PELP1: variants seen among roughly 807,000 people sequenced by gnomAD.
PELP1 encodes the protein proline, glutamate and leucine rich protein 1, also known as proline-, glutamic acid- and leucine-rich protein 1.
A neutral mutation model predicts 95.5 loss-of-function variants in PELP1; 32 were observed. The observed-to-expected ratio is 0.34, with a 90% confidence interval of 0.25 to 0.45. The LOEUF (loss-of-function observed/expected upper bound fraction) is 0.45, where lower values mean the gene tolerates loss of function less well. PELP1 is among the 20% of genes least tolerant of loss of function. The probability of loss-of-function intolerance (pLI) is 1.00; values close to 1 mark genes in which losing one functional copy is unlikely to be tolerated. For missense variants in PELP1, 1,358 were observed against 1,444.8 expected (o/e 0.94, Z 0.97); for synonymous variants, 668 against 600.1 (o/e 1.11, Z -1.65).
rs370014332 is a variant in PELP1 at position 4,695,491 on chromosome 17, A to G, written c.250-4049T>C. 1.4e-4 allele frequency among the ~76,000 whole-genome samples: 21 copies of G among 150,902 alleles called. No individual in the cohort carries two copies. The East Asian group carries it at 1.6e-3, about 11-fold the overall frequency. Reference sequence around the variant, plus strand: ...ACCAGCCTGGGCAACACAGAGAGACACCATCTCTACAAAAATTTTTAAAAA... The same window carrying G: ...ACCAGCCTGGGCAACACAGAGAGACGCCATCTCTACAAAAATTTTTAAAAA... On this transcript the variant is annotated intron_variant, in intron 1 of 16. Transcript: ENST00000572293.
At chr17:4,676,950 G>A in intron 5 of PELP1, 138 bp from the exon 6 acceptor site, 1 of 646,042 alleles carries the variant, frequency 1.5e-6, no homozygotes, top group East Asian at 2.8e-5. Flanking sequence ...GCCCTCTATG[G>A]GGCATCAACA....
intron 1 of PELP1, among the ~76,000 whole-genome samples, chr17:4,694,837 G>C (rs1442589820): frequency 6.6e-6 from 1 of 151,304 alleles, no homozygotes; most frequent in Non-Finnish European, 1.5e-5. Flanking sequence ...CAGGCGTGGT[G>C]GTGGGCGCCT....
rs371489038 is a variant in PELP1 at position 4,675,881 on chromosome 17, A to G, written c.984T>C (p.Ser328=). Residue 328 remains serine (S), a synonymous_variant, in exon 9 of 17, where the codon TCT becomes TCC. Coordinates refer to ENST00000572293, the MANE Select transcript of PELP1 (RefSeq NM_014389.3). The surrounding 1 kb of genome is among the most constrained non-coding windows in gnomAD (Gnocchi z 4.3). ...GGACGGACACGGGAGCTCCAAACTC[A>G]GAGCTAAAGAGAATCAGAGCAGGGA... ...LARCLGLMLS[S]EFGAPVSVPV... 75 of 1,588,952 alleles carry G rather than the reference A, an allele frequency of 4.7e-5. No individual in the cohort carries two copies. The highest frequency in any genetic ancestry group is 6.1e-5 in the Non-Finnish European group (71 of 1,167,508).
rs9894855 is a variant in PELP1 at position 4,696,276 on chromosome 17, G to A, written c.250-4834C>T. ...GACCCCGGGAGGTCAAGACTGCAGT[G>A]AGCCATGATCGCCACCACTACACTC... On this transcript the variant is annotated intron_variant, in intron 1 of 16. Transcript: ENST00000572293. 3.0e-3 allele frequency among the ~76,000 whole-genome samples: 455 copies of A among 152,252 alleles called. 1 individual carries two copies. The highest frequency in any genetic ancestry group is 9.4e-3 in the African/African-American group (392 of 41,558).
chr17:4,679,852 C>T, intron 5 of PELP1, among the ~76,000 whole-genome samples: 1 of 152,330 alleles, frequency 6.6e-6, no homozygotes, highest in East Asian at 1.9e-4. Flanking sequence ...CACAACCCCT[C>T]GCTCACTCAG....
chr17:4,687,455 C>A (rs4561529), intron 3 of PELP1, among the ~76,000 whole-genome samples: 144,532 of 147,718 alleles, frequency 0.98, 70,787 homozygotes, highest in Middle Eastern at 1. Context: ...GAGGCAGTCA[C>A]GCCACTGCAC....
At chr17:4,678,458 G>A (rs546850143) in intron 5 of PELP1, among the ~76,000 whole-genome samples, 17 of 152,212 alleles carry the variant, frequency 1.1e-4, no homozygotes, top group South Asian at 6.2e-4. Context: ...GTCACAGAGC[G>A]AGACCCTATC....
In PELP1 at chr17:4,704,081, C is replaced by A; in HGVS notation, c.31G>T (p.Ala11Ser). The A allele has an allele frequency of 5.0e-6, 8 of 1,611,028 alleles. No individual in the cohort carries two copies. Among genetic ancestry groups the A allele is most frequent in the Non-Finnish European group, 6.8e-6 (8 of 1,179,380 alleles). The change falls in exon 1 of 17, where the codon GCG (alanine) becomes TCG (serine). Residue 11 changes from alanine (A) to serine (S), a missense_variant. Transcript: ENST00000572293. ...CCAGGAACCCCAGCCGCGGAGCCCG[C>A]AGAGGGCCCACTCAGAACGGCTGCC... is the stretch of plus-strand genomic sequence containing the variant. MAAAVLSGPS[A>S]GSAAGVPGGT...
chr17:4,671,282 C>G lies in PELP1; in HGVS notation c.*157G>C. On this transcript the variant is annotated 3_prime_UTR_variant, in exon 17 of 17. Transcript: ENST00000572293. ...CTCTGGATCGTCAAAAAGAGGACAG[C>G]TATGGAGACATCTGGGGAATACTAT... 1.6e-6 allele frequency: 1 copy of G among 624,628 alleles called. No homozygotes were observed. The highest frequency in any genetic ancestry group is 1.9e-5 in the South Asian group (1 of 52,996). 38.7% of individuals were successfully genotyped at this position (624,628 alleles called of 1,614,324 possible). A position where few individuals can be genotyped will look rare whatever the true frequency, so the allele number is the denominator to read the frequency against.
At chr17:4,691,191 C>A in intron 2 of PELP1, 187 bp downstream of exon 2, 1 of 639,642 alleles carries the variant, frequency 1.6e-6, no homozygotes, top group South Asian at 2.0e-5. Context: ...TGGAATAGGA[C>A]ATCTGGGAGC....
rs370002833 is a variant in PELP1, at chr17:4,675,312, G to A, written c.1119C>T (p.His373=). The A allele has an allele frequency of 1.1e-5, 18 of 1,566,788 alleles. No homozygotes were observed. Among genetic ancestry groups the A allele is most frequent in the Non-Finnish European group, 1.6e-5 (18 of 1,155,870 alleles). The change falls in exon 10 of 17, where the codon CAC becomes CAT. Residue 373 remains histidine, a synonymous_variant. Coordinates refer to ENST00000572293, the MANE Select transcript of PELP1 (RefSeq NM_014389.3). This position sits in a 1 kb window ranked among gnomAD's most constrained non-coding sequence, Gnocchi z 4.3. Reference sequence around the variant, plus strand: ...CAGACAGCAGGTCCAAGGCCTCAAGGTGGATAGAGGGCAGCAGCAGCAGCC... The same window carrying A: ...CAGACAGCAGGTCCAAGGCCTCAAGATGGATAGAGGGCAGCAGCAGCAGCC... The part of the protein sequence containing the change: ...PLRLLLLPSI[H]LEALDLLSAL...
chr17:4,683,509 AC>A (rs1912789329), intron 3 of PELP1, among the ~76,000 whole-genome samples: 1 of 144,666 alleles, frequency 6.9e-6, no homozygotes, highest in Non-Finnish European at 1.5e-5. Flanking sequence ...GTGAGCCATC[AC>A]GCCCAGCTGA....
intron 3 of PELP1, among the ~76,000 whole-genome samples, chr17:4,683,801 A>T (rs1254945943): frequency 2.4e-5 from 3 of 125,270 alleles, no homozygotes; most frequent in Non-Finnish European, 3.3e-5. Flanking sequence ...AAGTGCTAGG[A>T]TTACAGGCGT....
At position 4,672,276 on chromosome 17, in the gene PELP1, TTCC is replaced by T. The variant is rs1400032406; in HGVS notation, c.2712_2714del (p.Glu908del). On this transcript the variant is annotated inframe_deletion, in exon 16 of 17. Coordinates refer to ENST00000572293, the MANE Select transcript of PELP1 (RefSeq NM_014389.3). ...CCTCTTCCTCAAAGTCTTCCTCCTCTTCCTCTTCTTCCTCTTCTTCTTCTTCCT... is the reference window on the plus strand; with the variant it reads ...CCTCTTCCTCAAAGTCTTCCTCCTCTTCTTCTTCCTCTTCTTCTTCTTCCT... 31 of 1,549,270 alleles carry T rather than the reference TTCC, an allele frequency of 2.0e-5. No homozygotes were observed. Among genetic ancestry groups the T allele is most frequent in the East Asian group, 4.9e-5 (2 of 40,966 alleles).
Position 4,690,875 on chromosome 17 carries a change from G to A in PELP1, c.420+13C>T. On this transcript the variant is annotated intron_variant, in intron 3 of 16. Transcript: ENST00000572293. Reference sequence around the variant, plus strand: ...GGGAGGAGGAGGAAGTAGGGCAGCAGCTGAAACCTCACCTGTAACACCTGC... The same window carrying A: ...GGGAGGAGGAGGAAGTAGGGCAGCAACTGAAACCTCACCTGTAACACCTGC... The A allele has an allele frequency of 6.4e-7, 1 of 1,568,552 alleles. No individual in the cohort carries two copies. Among genetic ancestry groups the A allele is most frequent in the Non-Finnish European group, 8.8e-7 (1 of 1,138,740 alleles).
chr17:4,682,073 T>C (rs775943727), intron 5 of PELP1, among the ~76,000 whole-genome samples: 6 of 152,040 alleles, frequency 3.9e-5, no homozygotes, highest in South Asian at 2.1e-4. Context: ...GGTGGGAGAA[T>C]TGCTTGAGCC....
chr17:4,675,282 G>T lies in PELP1; in HGVS notation c.1149C>A (p.Leu383=). 1 of 1,576,808 alleles carries T rather than the reference G, an allele frequency of 6.3e-7. No individual in the cohort carries two copies. Among genetic ancestry groups the T allele is most frequent in the Admixed American group, 1.9e-5 (1 of 53,456 alleles). The change falls in exon 10 of 17, where the codon CTC becomes CTA. Residue 383 remains leucine (L), a synonymous_variant. Coordinates refer to ENST00000572293, the MANE Select transcript of PELP1 (RefSeq NM_014389.3). The surrounding 1 kb of genome is among the most constrained non-coding windows in gnomAD (Gnocchi z 4.3). ...AGCCCAATCCCACTCACGCGAGGAT[G>T]AGTGCAGACAGCAGGTCCAAGGCCT... ...HLEALDLLSA[L]ILACGSRLLR...
At chr17:4,700,164 C>T (rs1913466553) in intron 1 of PELP1, among the ~76,000 whole-genome samples, 1 of 152,036 alleles carries the variant, frequency 6.6e-6, no homozygotes, top group Non-Finnish European at 1.5e-5. Flanking sequence ...CTTGGCCTCC[C>T]AAAGTGCTGG....
rs1913657063 is a variant in PELP1 at position 4,703,908 on chromosome 17, C to T, written c.204G>A (p.Gly68=). 6.2e-7 allele frequency: 1 copy of T among 1,613,416 alleles called. No individual in the cohort carries two copies. The highest frequency in any genetic ancestry group is 1.7e-5 in the Admixed American group (1 of 60,006). The change falls in exon 1 of 17, where the codon GGG becomes GGA. Residue 68 remains glycine, a synonymous_variant. Transcript: ENST00000572293. ...CATGCAGCCGCAATAGGCACATGAG[C>T]CCGGGCAAATGTGGGGCCGAGCGGT... ...PPNRSAPHLP[G]LMCLLRLHGS...
Sources: gnomAD v4.1 joint callset for allele counts (sites outside exome capture counted in the v4.1 genomes callset) on GRCh38, gnomAD v4.1.1 for gene constraint, Gnocchi (gnomAD v3.1) non-coding constraint, MANE v1.5 for transcripts, NCBI Gene and HGNC (gene_info 2026-07-23, HGNC 2026-07-21) for gene names.